ZNF705G: variants seen among roughly 807,000 people sequenced by gnomAD.
ZNF705G encodes the protein zinc finger protein 705G, also known as putative zinc finger protein 705G.
Under a neutral mutation model 19.6 loss-of-function variants are expected in ZNF705G, and 23 were observed. That is an observed-to-expected ratio of 1.17 (90% CI 0.84 to 1.66). The LOEUF (loss-of-function observed/expected upper bound fraction) is 1.66. Ranked by LOEUF, ZNF705G falls within the 40% of genes most tolerant of loss-of-function variation. The pLI, the probability that ZNF705G is intolerant of heterozygous loss-of-function variation, is 0.00. For missense variants in ZNF705G, 457 were observed against 354.4 expected (o/e 1.29, Z -2.32); for synonymous variants, 146 against 117.7 (o/e 1.24, Z -1.56).
chr8:7,366,488 G>A (rs554561143), intron 2 of ZNF705G, among the ~76,000 whole-genome samples: 4 of 149,600 alleles, frequency 2.7e-5, no homozygotes, highest in Non-Finnish European at 4.4e-5. Flanking sequence ...TTAAAATACA[G>A]CAATAGAAGA....
intron 1 of ZNF705G, among the ~76,000 whole-genome samples, chr8:7,383,388 T>C (rs1807591986): frequency 6.8e-6 from 1 of 146,612 alleles, no homozygotes; most frequent in Non-Finnish European, 1.5e-5. Flanking sequence ...TCTTCTTCTC[T>C]ACACTGTGAG....
chr8:7,364,361 C>T (rs913337490), intron 2 of ZNF705G, among the ~76,000 whole-genome samples: 3 of 149,454 alleles, frequency 2.0e-5, no homozygotes, highest in African/African-American at 7.7e-5. Flanking sequence ...ACATGAAGTC[C>T]AGGAAAAATA....
Position 7,357,396 on chromosome 8 carries a change from C to T in ZNF705G, c.*580G>A, listed in dbSNP as rs1806323072. 6.3e-6 allele frequency: 1 copy of T among 159,616 alleles called. No homozygotes were observed. Among genetic ancestry groups the T allele is most frequent in the Admixed American group, 5.8e-5 (1 of 17,260 alleles). The allele number at this position is 159,616 out of a possible 1,614,324, so 9.9% of individuals were successfully genotyped here. A position where few individuals can be genotyped will look rare whatever the true frequency, so the allele number is the denominator to read the frequency against. ...TGTGAACATCAAGCCTGGTGCTTGG[C>T]TGAATGTTCATTCACAGAAAATACA... is the stretch of plus-strand genomic sequence containing the variant. On this transcript the variant is annotated 3_prime_UTR_variant, in exon 7 of 7. Transcript: ENST00000400156.
Position 7,355,806 on chromosome 8 carries a change from A to G in ZNF705G, c.*2170T>C, listed in dbSNP as rs1249386081. ...TAATTAAATAGATTAAACAATAAAT[A>G]ATGATATGAGCTCTGCCTGGACACA... On this transcript the variant is annotated 3_prime_UTR_variant, in exon 7 of 7. Coordinates refer to ENST00000400156, the MANE Select transcript of ZNF705G (RefSeq NM_001164457.3). 2.0e-5 allele frequency: 3 copies of G among 149,560 alleles called. No individual in the cohort carries two copies. Among genetic ancestry groups the G allele is most frequent in the Non-Finnish European group, 4.4e-5 (3 of 68,032 alleles). 9.3% of individuals were successfully genotyped at this position (149,560 alleles called of 1,614,324 possible).
Position 7,364,264 on chromosome 8 carries a change from C to T in ZNF705G, c.-71-1247G>A, listed in dbSNP as rs1313388593. Reference sequence around the variant, plus strand: ...GGGGAAACATGCATGTATTATTTCCCTGCTAAAAATATAAAAATAATTAAA... The same window carrying T: ...GGGGAAACATGCATGTATTATTTCCTTGCTAAAAATATAAAAATAATTAAA... On this transcript the variant is annotated intron_variant, in intron 2 of 6. Coordinates refer to ENST00000400156, the MANE Select transcript of ZNF705G (RefSeq NM_001164457.3). Among the ~76,000 whole-genome samples the T allele has an allele frequency of 4.3e-4, 64 of 149,396 alleles. 11 individuals are homozygous for T. The highest frequency in any genetic ancestry group is 1.5e-3 in the African/African-American group (58 of 38,872).
chr8:7,369,396 C>A (rs1465590250), intron 2 of ZNF705G, among the ~76,000 whole-genome samples: 1 of 149,374 alleles, frequency 6.7e-6, no homozygotes. Context: ...CCCACAGAGT[C>A]CACACTGGGG....
At chr8:7,362,629 C>T (rs200574001) in intron 3 of ZNF705G, among the ~76,000 whole-genome samples, 1 of 149,422 alleles carries the variant, frequency 6.7e-6, no homozygotes, top group Non-Finnish European at 1.5e-5. Flanking sequence ...CCTCTCATAT[C>T]TTTTTTTGTA....
intron 2 of ZNF705G, among the ~76,000 whole-genome samples, chr8:7,367,602 G>A (rs1246342724): frequency 3.3e-5 from 5 of 149,592 alleles, no homozygotes; most frequent in Non-Finnish European, 5.9e-5. Context: ...GACGAATCAC[G>A]GGAAAGAGGA....
intron 2 of ZNF705G, among the ~76,000 whole-genome samples, chr8:7,368,890 G>A (rs1369730859): frequency 2.0e-5 from 3 of 149,666 alleles, no homozygotes; most frequent in Admixed American, 2.0e-4. Context: ...TTTCCATGAG[G>A]TATTAAACCT....
At position 7,360,328 on chromosome 8, in the gene ZNF705G, G is replaced by A; in HGVS notation, c.144C>T (p.Tyr48=). The change falls in exon 5 of 7, where the codon TAC becomes TAT. Residue 48 remains tyrosine, a synonymous_variant. Coordinates refer to ENST00000400156, the MANE Select transcript of ZNF705G (RefSeq NM_001164457.3). ...AAATTATATAGGATTTGCTTATCTG[G>A]TACCCTGTTAGTGGAAAGAATACAT... is the stretch of plus-strand genomic sequence containing the variant. ...ENISHLVSLG[Y]QISKSYIILQ... is the part of the protein sequence containing the mutation. 6.3e-7 allele frequency: 1 copy of A among 1,588,682 alleles called. No homozygotes were observed. The highest frequency in any genetic ancestry group is 8.5e-7 in the Non-Finnish European group (1 of 1,178,286).
At position 7,358,330 on chromosome 8, in the gene ZNF705G, A is replaced by G. The variant is rs1806385939; in HGVS notation, c.549T>C (p.Asn183=). The G allele has an allele frequency of 1.0e-5, 16 of 1,607,600 alleles. No homozygotes were observed. Among genetic ancestry groups the G allele is most frequent in the Admixed American group, 1.7e-5 (1 of 59,920 alleles). ...QCNLCEKAYT[N]CFHLRRHKMT... ...TCTTGTGCCGTCTAAGGTGAAAGCA[A>G]TTAGTATAGGCCTTTTCACATAGAT... Residue 183 remains asparagine, a synonymous_variant, in exon 7 of 7, where the codon AAT becomes AAC. Transcript: ENST00000400156.
In ZNF705G at chr8:7,356,522, T is replaced by A. The variant is rs1806262713; in HGVS notation, c.*1454A>T. ...CAAGGTGTCTTTGATACAGCCTCCA[T>A]TTCCCTGCTAAATCTATGCAATGAC... On this transcript the variant is annotated 3_prime_UTR_variant, in exon 7 of 7. Transcript: ENST00000400156. 1.3e-5 allele frequency: 2 copies of A among 149,740 alleles called. 1 individual carries two copies. Among genetic ancestry groups the A allele is most frequent in the African/African-American group, 5.1e-5 (2 of 39,086 alleles). The allele number at this position is 149,740 out of a possible 1,614,324, so 9.3% of individuals were successfully genotyped here. A position where few individuals can be genotyped will look rare whatever the true frequency, so the allele number is the denominator to read the frequency against.
At chr8:7,364,821 T>A (rs1387576176) in intron 2 of ZNF705G, among the ~76,000 whole-genome samples, 1 of 149,616 alleles carries the variant, frequency 6.7e-6, no homozygotes, top group African/African-American at 2.6e-5. Flanking sequence ...CTTCCATGAA[T>A]GTACCTGACA....
intron 2 of ZNF705G, among the ~76,000 whole-genome samples, chr8:7,370,062 C>T (rs1192843062): frequency 6.8e-6 from 1 of 147,386 alleles, no homozygotes; most frequent in Admixed American, 6.6e-5. Context: ...TTAAAATGGG[C>T]AAAGATCTGG....
chr8:7,379,568 G>T (rs1807397761), intron 2 of ZNF705G, among the ~76,000 whole-genome samples: 1 of 147,120 alleles, frequency 6.8e-6, no homozygotes, highest in African/African-American at 2.7e-5. Context: ...GCAGCAAAGT[G>T]ATGAGGAATC....
chr8:7,358,024 A>G lies in ZNF705G; in HGVS notation c.855T>C (p.Ala285=), dbSNP rs1806358203. 6.2e-7 allele frequency: 1 copy of G among 1,609,008 alleles called. No homozygotes were observed. The highest frequency in any genetic ancestry group is 8.5e-7 in the Non-Finnish European group (1 of 1,179,800). The change falls in exon 7 of 7, where the codon GCT becomes GCC. Residue 285 remains alanine (A), a synonymous_variant. Coordinates refer to ENST00000400156, the MANE Select transcript of ZNF705G (RefSeq NM_001164457.3). The part of the protein sequence containing the change: ...KIIHTGEKPH[A]CLLCGKAFSL... ...TGAAGGCCTTCCCACATAGAAGACA[A>G]GCATGTGGTTTCTCTCCAGTGTGAA...
intron 2 of ZNF705G, among the ~76,000 whole-genome samples, chr8:7,368,901 G>A (rs1280050931): frequency 1.3e-5 from 2 of 149,686 alleles, no homozygotes; most frequent in African/African-American, 5.1e-5. Flanking sequence ...TATTAAACCT[G>A]CAGGTGCACA....
At chr8:7,384,038 T>C (rs1162042555) in intron 1 of ZNF705G, among the ~76,000 whole-genome samples, 67 of 136,026 alleles carry the variant, frequency 4.9e-4, no homozygotes, top group African/African-American at 1.7e-3. Flanking sequence ...AAAAGGTAGA[T>C]TGTTGATGAG....
chr8:7,376,722 T>A (rs1335108665), intron 2 of ZNF705G, among the ~76,000 whole-genome samples: 3 of 150,252 alleles, frequency 2.0e-5, no homozygotes, highest in Non-Finnish European at 4.4e-5. Flanking sequence ...GTGTAACAAG[T>A]AATGGCACAG....
Sources: gnomAD v4.1 joint callset for allele counts (sites outside exome capture counted in the v4.1 genomes callset) on GRCh38, gnomAD v4.1.1 for gene constraint, MANE v1.5 for transcripts, NCBI Gene and HGNC (gene_info 2026-07-23, HGNC 2026-07-21) for gene names.